The following GPC5 variants were observed in gnomAD, a reference collection of about 807,000 sequenced individuals.
The protein encoded by GPC5 is glypican 5, also known as glypican-5.
GPC5 carries 47 observed loss-of-function variants against 53.9 expected under a neutral mutation model. The observed-to-expected ratio is 0.87, with a 90% CI of 0.69 to 1.11. The LOEUF is 1.11. Among genes scored for constraint, GPC5 ranks in the 50% most tolerant of loss-of-function variants. The probability of loss-of-function intolerance (pLI) is 0.00; values close to 1 mark genes in which losing one functional copy is unlikely to be tolerated. For synonymous variants in GPC5, 286 were observed against 263.3 expected (o/e 1.09, Z -0.84); for missense variants, 748 against 713.1 (o/e 1.05, Z -0.56).
chr13:91,716,873 G>T (rs937696675), intron 3 of GPC5, among the ~76,000 whole-genome samples: 16 of 152,202 alleles, frequency 1.1e-4, no homozygotes, highest in African/African-American at 3.6e-4. Context: ...CAACAAATGA[G>T]TTATTGAGAA....
At chr13:91,686,434 C>T (rs1360791878) in intron 2 of GPC5, among the ~76,000 whole-genome samples, 1 of 151,864 alleles carries the variant, frequency 6.6e-6, no homozygotes, top group Non-Finnish European at 1.5e-5. Context: ...CTGATTTCTG[C>T]ATAACATTTG....
intron 1 of GPC5, among the ~76,000 whole-genome samples, chr13:91,410,288 T>C (rs1430495354): frequency 1.3e-5 from 2 of 152,148 alleles, no homozygotes; most frequent in Non-Finnish European, 2.9e-5. Flanking sequence ...AATAATTATT[T>C]GTGCTTGGTC....
At position 91,689,184 on chromosome 13, in the gene GPC5, AATATATATATAT is replaced by A. The variant is rs1169911890; in HGVS notation, c.326-3967_326-3956del. Among the ~76,000 whole-genome samples, 263 of 49,586 alleles carry A rather than the reference AATATATATATAT, an allele frequency of 5.3e-3. 3 individuals carry two copies. Among genetic ancestry groups the A allele is most frequent in the South Asian group, 0.014 (18 of 1,266 alleles). 32.5% of individuals were successfully genotyped at this position (49,586 alleles called of 152,430 possible). A position where few individuals can be genotyped will look rare whatever the true frequency, so the allele number is the denominator to read the frequency against. On this transcript the variant is annotated intron_variant, in intron 2 of 7. Transcript: ENST00000377067. ...ATGTTGTCTCAAAAAATCATATATA[AATATATATATAT>A]ATATATATATATATATATATATATA...
intron 7 of GPC5, among the ~76,000 whole-genome samples, chr13:92,196,569 T>G (rs61967886): frequency 0.21 from 31,883 of 152,094 alleles, 4,139 homozygotes; most frequent in East Asian, 0.65. Context: ...CCACTAAAAA[T>G]TTTAGTCATG....
intron 7 of GPC5, among the ~76,000 whole-genome samples, chr13:92,200,238 GAAAAA>G (rs1469393677): frequency 6.6e-6 from 1 of 152,014 alleles, no homozygotes; most frequent in Non-Finnish European, 1.5e-5. Context: ...AAATTAAGAG[GAAAAA>G]AATCAATCTC....
chr13:92,438,051 T>C (rs1877387404), intron 7 of GPC5, among the ~76,000 whole-genome samples: 1 of 152,100 alleles, frequency 6.6e-6, no homozygotes, highest in South Asian at 2.1e-4. Flanking sequence ...CATGCTCATA[T>C]CTTCAACCCA....
chr13:92,222,118 A>G (rs1314469991), intron 7 of GPC5, among the ~76,000 whole-genome samples: 1 of 152,160 alleles, frequency 6.6e-6, no homozygotes, highest in Non-Finnish European at 1.5e-5. Context: ...GTACCAAAGT[A>G]GTTATCTTCC....
chr13:91,904,983 A>G (rs1396476482), intron 5 of GPC5, among the ~76,000 whole-genome samples: 1 of 152,070 alleles, frequency 6.6e-6, no homozygotes, highest in Non-Finnish European at 1.5e-5. Flanking sequence ...ATGCAGAAAC[A>G]GATTTTAGAG....
Position 92,004,461 on chromosome 13 carries a change from TA to T in GPC5, c.1401+96405del, listed in dbSNP as rs1566389169. Among the ~76,000 whole-genome samples the T allele has an allele frequency of 3.4e-3, 141 of 41,372 alleles. 2 individuals are homozygous for T. The highest frequency in any genetic ancestry group is 7.5e-3 in the African/African-American group (129 of 17,266). The allele number at this position is 41,372 out of a possible 152,430, so 27.1% of individuals were successfully genotyped here. ...TCCGTCTCAAAAAAAAAAAAAATTA[TA>T]TATATATATATATATATATATATAT... is the stretch of plus-strand genomic sequence containing the variant. On this transcript the variant is annotated intron_variant, in intron 6 of 7. Coordinates refer to ENST00000377067, the MANE Select transcript of GPC5 (RefSeq NM_004466.6).
chr13:92,157,309 C>T (rs2041951825), intron 7 of GPC5, among the ~76,000 whole-genome samples: 1 of 152,042 alleles, frequency 6.6e-6, no homozygotes, highest in Non-Finnish European at 1.5e-5. Context: ...TCCACTGAAC[C>T]AAAAGATGAG....
At position 92,376,463 on chromosome 13, in the gene GPC5, C is replaced by T. The variant is rs1039374613; in HGVS notation, c.1561+231474C>T. ...AGAATCACTTTGTTTCCAAAGCATC[C>T]CAAATTCATGTACTACTCCAAAAGC... On this transcript the variant is annotated intron_variant, in intron 7 of 7. Coordinates refer to ENST00000377067, the MANE Select transcript of GPC5 (RefSeq NM_004466.6). 5.3e-5 allele frequency among the ~76,000 whole-genome samples: 8 copies of T among 152,144 alleles called. No individual in the cohort carries two copies. In the East Asian group the frequency reaches 1.6e-3, roughly 29 times the overall value.
chr13:92,452,382 G>A (rs1281588644), intron 7 of GPC5, among the ~76,000 whole-genome samples: 4 of 152,016 alleles, frequency 2.6e-5, no homozygotes, highest in Non-Finnish European at 5.9e-5. Flanking sequence ...ACAAAAATAA[G>A]AAAACTCAAG....
chr13:92,052,168 G>A (rs1307274026), intron 6 of GPC5, among the ~76,000 whole-genome samples: 1 of 152,130 alleles, frequency 6.6e-6, no homozygotes, highest in Non-Finnish European at 1.5e-5. Context: ...AGATATGTGA[G>A]TATCTCCCAT....
rs574209209 is a variant in GPC5, at chr13:92,161,702, T to A, written c.1561+16713T>A. The stretch of plus-strand genomic sequence containing the variant: ...TTTAATGTGTAATTTTGCGTGAAAA[T>A]TAATAATCCGAAAGTAATTATTAAG... On this transcript the variant is annotated intron_variant, in intron 7 of 7. Transcript: ENST00000377067. Among the ~76,000 whole-genome samples, 5 of 151,916 alleles carry A rather than the reference T, an allele frequency of 3.3e-5. No homozygotes were observed. The South Asian group carries it at 8.3e-4, about 25-fold the overall frequency.
At chr13:92,476,743 A>G (rs1205270850) in intron 7 of GPC5, among the ~76,000 whole-genome samples, 3 of 149,298 alleles carry the variant, frequency 2.0e-5, no homozygotes, top group Non-Finnish European at 4.4e-5. Flanking sequence ...TGTCCTTTGT[A>G]GGGACATGGA....
At chr13:92,045,857 G>C (rs1336030344) in intron 6 of GPC5, among the ~76,000 whole-genome samples, 1 of 152,020 alleles carries the variant, frequency 6.6e-6, no homozygotes, top group South Asian at 2.1e-4. Context: ...TGCAGATATG[G>C]GGGATGAGAA....
chr13:92,522,322 T>C (rs9589570), intron 7 of GPC5, among the ~76,000 whole-genome samples: 86,330 of 151,930 alleles, frequency 0.57, 25,287 homozygotes, highest in East Asian at 0.75. Flanking sequence ...TGCACACGTA[T>C]GTTTATTGTG....
At chr13:91,973,470 C>T in intron 6 of GPC5, among the ~76,000 whole-genome samples, 1 of 152,216 alleles carries the variant, frequency 6.6e-6, no homozygotes, top group East Asian at 1.9e-4. Context: ...CTCAACTCGT[C>T]AAAGTCATTC....
intron 5 of GPC5, among the ~76,000 whole-genome samples, chr13:91,808,703 C>T (rs2038262292): frequency 1.3e-5 from 2 of 152,134 alleles, no homozygotes; most frequent in Admixed American, 1.3e-4. Flanking sequence ...AGTCTCCAGA[C>T]CTAAATTCTC....
Sources: allele counts gnomAD v4.1 joint callset (sites outside exome capture counted in the v4.1 genomes callset), GRCh38; gene constraint gnomAD v4.1.1; transcripts MANE v1.5; gene names NCBI Gene and HGNC (gene_info 2026-07-23, HGNC 2026-07-21).